RAB3C: variants seen among roughly 807,000 people sequenced by gnomAD.
RAB3C encodes the protein RAB3C, member RAS oncogene family.
Under a neutral mutation model 26.4 loss-of-function variants are expected in RAB3C, and 17 were observed. That is an observed-to-expected ratio of 0.64 (90% CI 0.44 to 0.97). The LOEUF is 0.97. RAB3C is among the 50% of genes least tolerant of loss of function. The probability of loss-of-function intolerance (pLI) is 0.00; values close to 1 mark genes in which losing one functional copy is unlikely to be tolerated. For synonymous variants in RAB3C, 91 were observed against 95.9 expected, an observed-to-expected ratio of 0.95 and a Z score of 0.30; for missense variants, 242 against 281.9, an observed-to-expected ratio of 0.86 and a Z score of 1.01.
chr5:58,839,755 C>G (rs1015024759), intron 4 of RAB3C, among the ~76,000 whole-genome samples: 1 of 152,108 alleles, frequency 6.6e-6, no homozygotes, highest in African/African-American at 2.4e-5. Flanking sequence ...CATTTATCAT[C>G]TTTTTACTTC....
chr5:58,700,272 A>G (rs1348661665), intron 2 of RAB3C, among the ~76,000 whole-genome samples: 2 of 152,220 alleles, frequency 1.3e-5, no homozygotes, highest in African/African-American at 4.8e-5. Flanking sequence ...AGTGCTTTAC[A>G]TGTGTTTCAT....
At chr5:58,671,655 A>G (rs76674412) in intron 2 of RAB3C, among the ~76,000 whole-genome samples, 1,952 of 152,312 alleles carry the variant, frequency 0.013, 20 homozygotes, top group Non-Finnish European at 0.019. Context: ...TTACAGATAC[A>G]TTGATTGCTG....
intron 2 of RAB3C, among the ~76,000 whole-genome samples, chr5:58,712,092 A>G (rs1450363465): frequency 6.6e-6 from 1 of 152,096 alleles, no homozygotes. Flanking sequence ...ATCACTGGAA[A>G]CCTGCACCAA....
intron 1 of RAB3C, among the ~76,000 whole-genome samples, chr5:58,601,959 C>A (rs1381502213): frequency 1.3e-5 from 2 of 151,962 alleles, no homozygotes; most frequent in Admixed American, 6.6e-5. Context: ...TGTTTGTGCT[C>A]TTCAGACTTT....
intron 4 of RAB3C, among the ~76,000 whole-genome samples, chr5:58,831,622 A>G (rs1743614991): frequency 6.6e-6 from 1 of 152,168 alleles, no homozygotes; most frequent in African/African-American, 2.4e-5. Flanking sequence ...TTCTCATCTG[A>G]ATAACTAAAA....
chr5:58,665,468 G>T (rs902411951), intron 2 of RAB3C, among the ~76,000 whole-genome samples: 1 of 152,130 alleles, frequency 6.6e-6, no homozygotes, highest in Non-Finnish European at 1.5e-5. Context: ...GCTGCTATGT[G>T]CCTGTCCTTA....
intron 3 of RAB3C, chr5:58,822,990 G>T (rs1743377286): frequency 1.6e-6 from 1 of 616,114 alleles, no homozygotes; most frequent in Non-Finnish European, 3.1e-6. Context: ...AAAGTTTTTG[G>T]GGCCTTGAAG....
intron 2 of RAB3C, among the ~76,000 whole-genome samples, chr5:58,698,973 C>T (rs944843410): frequency 1.3e-5 from 2 of 152,182 alleles, no homozygotes; most frequent in African/African-American, 4.8e-5. Context: ...CCGTTGCTCA[C>T]AAGGAGCTGC....
At chr5:58,607,223 T>A (rs916696699) in intron 1 of RAB3C, among the ~76,000 whole-genome samples, 4 of 152,140 alleles carry the variant, frequency 2.6e-5, no homozygotes, top group Non-Finnish European at 5.9e-5. Flanking sequence ...CTTAAGTGAC[T>A]TGATGGAGTT....
At position 58,853,565 on chromosome 5, in the gene RAB3C, A is replaced by T. The variant is rs1253886796; in HGVS notation, c.*2214A>T. ...TCTGCTGAAAACCCCTTCCCTGAAGAACTGATTGCTGTTGAAGTTAATTGG... is the reference window on the plus strand; with the variant it reads ...TCTGCTGAAAACCCCTTCCCTGAAGTACTGATTGCTGTTGAAGTTAATTGG... On this transcript the variant is annotated 3_prime_UTR_variant, in exon 5 of 5. Coordinates refer to ENST00000282878, the MANE Select transcript of RAB3C (RefSeq NM_138453.4). 1 of 152,198 alleles carries T rather than the reference A, an allele frequency of 6.6e-6. No individual in the cohort carries two copies. Among genetic ancestry groups the T allele is most frequent in the Non-Finnish European group, 1.5e-5 (1 of 68,048 alleles). 9.4% of individuals were successfully genotyped at this position (152,198 alleles called of 1,614,324 possible).
Position 58,661,938 on chromosome 5 carries a change from A to T in RAB3C, c.252+44068A>T, listed in dbSNP as rs564031634. Among the ~76,000 whole-genome samples, 17 of 150,118 alleles carry T rather than the reference A, an allele frequency of 1.1e-4. No homozygotes were observed. In the South Asian group the frequency reaches 2.9e-3, roughly 26 times the overall value. ...TCATTTTTAGTGTGAGCAGGAAAAGACTTAGCAGAGGTAAATATTCAGGGA... is the reference window on the plus strand; with the variant it reads ...TCATTTTTAGTGTGAGCAGGAAAAGTCTTAGCAGAGGTAAATATTCAGGGA... On this transcript the variant is annotated intron_variant, in intron 2 of 4. Coordinates refer to ENST00000282878, the MANE Select transcript of RAB3C (RefSeq NM_138453.4).
At chr5:58,823,612 G>A (rs2548241) in intron 3 of RAB3C, 132,831 of 206,164 alleles carry the variant, frequency 0.64, 44,098 homozygotes, top group African/African-American at 0.82. Context: ...GTTAAAAACA[G>A]CAGGTGGAAA....
chr5:58,614,410 T>C (rs1232274686), intron 1 of RAB3C, among the ~76,000 whole-genome samples: 1 of 152,098 alleles, frequency 6.6e-6, no homozygotes, highest in Non-Finnish European at 1.5e-5. Context: ...AAAACACACA[T>C]ACATTCCAAA....
At chr5:58,775,817 T>A (rs1742119604) in intron 3 of RAB3C, among the ~76,000 whole-genome samples, 1 of 152,152 alleles carries the variant, frequency 6.6e-6, no homozygotes, top group Non-Finnish European at 1.5e-5. Flanking sequence ...GCCTCCGGGC[T>A]TCGGTCTGGT....
chr5:58,732,524 CAG>C (rs1270720564), intron 3 of RAB3C, among the ~76,000 whole-genome samples: 1 of 152,054 alleles, frequency 6.6e-6, no homozygotes, highest in African/African-American at 2.4e-5. Flanking sequence ...TTAAAGAAGA[CAG>C]AATATTTGCG....
At chr5:58,674,142 A>G (rs1373901361) in intron 2 of RAB3C, among the ~76,000 whole-genome samples, 2 of 152,174 alleles carry the variant, frequency 1.3e-5, no homozygotes, top group African/African-American at 4.8e-5. Flanking sequence ...GGGAATATAG[A>G]AATGGTATAT....
intron 3 of RAB3C, among the ~76,000 whole-genome samples, chr5:58,730,755 T>C (rs1433865913): frequency 1.3e-5 from 2 of 152,138 alleles, no homozygotes; most frequent in Non-Finnish European, 2.9e-5. Context: ...AAAAACATTT[T>C]ATTACACAAA....
chr5:58,697,244 T>C (rs910516272), intron 2 of RAB3C, among the ~76,000 whole-genome samples: 1 of 152,226 alleles, frequency 6.6e-6, no homozygotes, highest in Non-Finnish European at 1.5e-5. Context: ...TGAGTGAGTT[T>C]CTTAATCCTG....
rs578088509 is a variant in RAB3C at position 58,644,394 on chromosome 5, T to C, written c.252+26524T>C. On this transcript the variant is annotated intron_variant, in intron 2 of 4. Coordinates refer to ENST00000282878, the MANE Select transcript of RAB3C (RefSeq NM_138453.4). The stretch of plus-strand genomic sequence containing the variant: ...CAACTTTTCAGAGTGCTGAGAGGAT[T>C]TGATGGCATAATTTGTGTAAGATGC... 5.3e-5 allele frequency: 8 copies of C among 152,296 alleles called. No homozygotes were observed. The East Asian group carries it at 1.5e-3, about 29-fold the overall frequency. The allele number at this position is 152,296 out of a possible 1,614,324, so 9.4% of individuals were successfully genotyped here.
Sources: allele counts gnomAD v4.1 joint callset (sites outside exome capture counted in the v4.1 genomes callset), GRCh38; gene constraint gnomAD v4.1.1; transcripts MANE v1.5; gene names NCBI Gene and HGNC (gene_info 2026-07-23, HGNC 2026-07-21).